Variants in CALN1 observed in about 807,000 individuals in gnomAD.
The protein encoded by CALN1 is calneuron 1.
In CALN1, 17 loss-of-function variants were observed where a neutral mutation model predicts 30.6. The observed-to-expected ratio is 0.56, with a 90% CI of 0.38 to 0.83. The LOEUF is 0.83. Ranked by LOEUF, CALN1 falls within the 40% of genes least tolerant of loss-of-function variation. The pLI, the probability that CALN1 is intolerant of heterozygous loss-of-function variation, is 0.00. For synonymous variants in CALN1, 156 were observed against 131.4 expected (o/e 1.19, Z -1.28); for missense variants, 291 against 354.9 (o/e 0.82, Z 1.45).
chr7:72,430,576 CCCT>C (rs1807941730), intron 1 of CALN1, among the ~76,000 whole-genome samples: 1 of 152,058 alleles, frequency 6.6e-6, no homozygotes, highest in South Asian at 2.1e-4. Context: ...CTAAATATTC[CCCT>C]CAAGGGGCTT....
intron 5 of CALN1, among the ~76,000 whole-genome samples, chr7:71,979,599 C>T (rs1380354050): frequency 6.6e-6 from 1 of 152,064 alleles, no homozygotes; most frequent in Non-Finnish European, 1.5e-5. Context: ...ACTGACTCAC[C>T]CACCTCTCAC....
intron 5 of CALN1, among the ~76,000 whole-genome samples, chr7:72,017,580 T>C (rs1193507051): frequency 6.6e-6 from 1 of 152,002 alleles, no homozygotes; most frequent in Non-Finnish European, 1.5e-5. Context: ...TGCTCGGGAG[T>C]ATTGCCCAAA....
chr7:72,435,344 G>A (rs1302562405), intron 1 of CALN1, among the ~76,000 whole-genome samples: 1 of 152,160 alleles, frequency 6.6e-6, no homozygotes, highest in Non-Finnish European at 1.5e-5. Context: ...GAGAGCAGAC[G>A]AGAATGTGGT....
At chr7:71,860,581 C>T (rs1027658550) in intron 5 of CALN1, among the ~76,000 whole-genome samples, 3 of 152,074 alleles carry the variant, frequency 2.0e-5, no homozygotes, top group African/African-American at 4.8e-5. Context: ...GGGTGAGATC[C>T]AGGAACCCTC....
chr7:71,856,414 C>G (rs1325760354), intron 5 of CALN1, among the ~76,000 whole-genome samples: 1 of 152,042 alleles, frequency 6.6e-6, no homozygotes, highest in East Asian at 1.9e-4. Context: ...ACAGCCTCTC[C>G]AGTAGCTGCA....
At chr7:72,352,388 CAAA>C (rs59245091) in intron 2 of CALN1, among the ~76,000 whole-genome samples, 4 of 82,044 alleles carry the variant, frequency 4.9e-5, no homozygotes, top group Non-Finnish European at 6.6e-5. Context: ...GACTCTGTCT[CAAA>C]AAAAAAAAAA....
intron 2 of CALN1, among the ~76,000 whole-genome samples, chr7:72,347,269 C>T (rs370233830): frequency 9.4e-5 from 14 of 148,928 alleles, no homozygotes; most frequent in East Asian, 5.9e-4. Flanking sequence ...TTTTTTGAGA[C>T]GGAGTTCCCC....
intron 4 of CALN1, among the ~76,000 whole-genome samples, chr7:72,049,315 G>A (rs1041557858): frequency 6.6e-5 from 10 of 152,132 alleles, no homozygotes; most frequent in Admixed American, 4.6e-4. Flanking sequence ...TTACAAGAGA[G>A]AAAGACAAAA....
chr7:72,060,881 C>T (rs1018954698), intron 4 of CALN1, among the ~76,000 whole-genome samples: 1 of 152,210 alleles, frequency 6.6e-6, no homozygotes, highest in Non-Finnish European at 1.5e-5. Flanking sequence ...TCTTGTATAG[C>T]CTACAGAACT....
chr7:72,492,629 T>G, the CALN1 span, among the ~76,000 whole-genome samples: 1 of 152,248 alleles, frequency 6.6e-6, no homozygotes, highest in Non-Finnish European at 1.5e-5. Context: ...GGGGGCACCA[T>G]GCCAACCGCT....
chr7:72,038,680 T>G lies in CALN1; in HGVS notation c.389-14911A>C, dbSNP rs549617016. Among the ~76,000 whole-genome samples the G allele has an allele frequency of 5.3e-5, 8 of 152,212 alleles. No homozygotes were observed. In the South Asian group the frequency reaches 1.2e-3, roughly 24 times the overall value. On this transcript the variant is annotated intron_variant, in intron 4 of 6. Coordinates refer to ENST00000395275, the MANE Select transcript of CALN1 (RefSeq NM_031468.4). ...TAAAGACCTTGCTGATAAAACAGAT[T>G]GCAGTAAAGAAACCAGCCAAAGCCC...
intron 5 of CALN1, among the ~76,000 whole-genome samples, chr7:71,976,809 G>A (rs1465704011): frequency 1.3e-5 from 2 of 152,182 alleles, no homozygotes; most frequent in Non-Finnish European, 2.9e-5. Context: ...ATGGCTGGCT[G>A]GAGTTTGCAC....
the CALN1 span, among the ~76,000 whole-genome samples, chr7:72,475,542 C>G: frequency 6.6e-6 from 1 of 152,188 alleles, no homozygotes; most frequent in Non-Finnish European, 1.5e-5. Flanking sequence ...AGGACTGGAA[C>G]ACAGATCTTT....
At chr7:72,318,323 C>G in intron 2 of CALN1, among the ~76,000 whole-genome samples, 1 of 152,156 alleles carries the variant, frequency 6.6e-6, no homozygotes, top group African/African-American at 2.4e-5. Context: ...CATTCTTCTC[C>G]TACTACCAAC....
chr7:72,373,596 T>G (rs969228908), intron 2 of CALN1, among the ~76,000 whole-genome samples: 1 of 152,232 alleles, frequency 6.6e-6, no homozygotes. Context: ...TAGGCTAATA[T>G]AAGTTTTCTG....
chr7:72,355,658 C>G (rs548145356), intron 2 of CALN1, among the ~76,000 whole-genome samples: 10 of 152,200 alleles, frequency 6.6e-5, no homozygotes, highest in Non-Finnish European at 8.8e-5. Flanking sequence ...AATGAATAGA[C>G]AAGTCACAGG....
chr7:72,285,040 C>T (rs1205079117), intron 2 of CALN1, among the ~76,000 whole-genome samples: 2 of 152,040 alleles, frequency 1.3e-5, no homozygotes, highest in Non-Finnish European at 2.9e-5. Context: ...AGCAGTGCTA[C>T]TCAAAGTGTG....
At chr7:72,392,435 G>C (rs776317768) in intron 2 of CALN1, among the ~76,000 whole-genome samples, 1 of 152,176 alleles carries the variant, frequency 6.6e-6, no homozygotes, top group South Asian at 2.1e-4. Context: ...CGGCCACATG[G>C]TTCATGGATG....
intron 1 of CALN1, among the ~76,000 whole-genome samples, chr7:72,407,431 C>T (rs1044953168): frequency 2.0e-5 from 3 of 152,186 alleles, no homozygotes; most frequent in Admixed American, 6.5e-5. Flanking sequence ...GACTGGATCA[C>T]GGGGGTGTAT....
Sources: gnomAD v4.1 joint callset for allele counts (sites outside exome capture counted in the v4.1 genomes callset) on GRCh38, gnomAD v4.1.1 for gene constraint, MANE v1.5 for transcripts, NCBI Gene and HGNC (gene_info 2026-07-23, HGNC 2026-07-21) for gene names.